The following LYPLAL1 variants were observed in gnomAD, a reference collection of about 807,000 sequenced individuals.
LYPLAL1 encodes lysophospholipase like 1.
A neutral mutation model predicts 19.7 loss-of-function variants in LYPLAL1; 23 were observed. The ratio of observed to expected loss-of-function variants is 1.17; its 90% CI spans 0.84 to 1.65. The LOEUF is 1.65. LYPLAL1 is among the 40% of genes most tolerant of loss of function. The probability of loss-of-function intolerance (pLI) is 0.00; values close to 1 mark genes in which losing one functional copy is unlikely to be tolerated. For missense variants in LYPLAL1, 355 were observed against 279.4 expected, an observed-to-expected ratio of 1.27 and a Z score of -1.93; for synonymous variants, 119 against 96.3, an observed-to-expected ratio of 1.24 and a Z score of -1.38.
the LYPLAL1 span, among the ~76,000 whole-genome samples, chr1:219,277,368 G>C: frequency 6.6e-6 from 1 of 152,166 alleles, no homozygotes; most frequent in Non-Finnish European, 1.5e-5. Context: ...ATGGGGTGTA[G>C]CTGAAGTGTT....
At chr1:219,309,347 T>C in the LYPLAL1 span, among the ~76,000 whole-genome samples, 1 of 152,218 alleles carries the variant, frequency 6.6e-6, no homozygotes, top group African/African-American at 2.4e-5. Flanking sequence ...GATGAGACTT[T>C]GGACTGTGGA....
the LYPLAL1 span, among the ~76,000 whole-genome samples, chr1:219,223,405 ATTC>A: frequency 6.6e-6 from 1 of 152,146 alleles, no homozygotes; most frequent in African/African-American, 2.4e-5. Flanking sequence ...CAAAACCTTT[ATTC>A]TTTGTTTTCT....
chr1:219,332,705 T>C, the LYPLAL1 span, among the ~76,000 whole-genome samples: 8 of 150,400 alleles, frequency 5.3e-5, no homozygotes, highest in African/African-American at 2.0e-4. Flanking sequence ...CTGCATGAGT[T>C]TGGAGAAGAG....
chr1:219,272,906 GAC>G, the LYPLAL1 span: 7 of 151,640 alleles, frequency 4.6e-5, no homozygotes, highest in Non-Finnish European at 8.8e-5. Context: ...AAAATTATAA[GAC>G]ACGCTAAGAA....
At chr1:219,290,362 C>T in the LYPLAL1 span, among the ~76,000 whole-genome samples, 5 of 152,098 alleles carry the variant, frequency 3.3e-5, no homozygotes, top group African/African-American at 7.2e-5. Context: ...ATTCCCAGGA[C>T]GTTAGTTATT....
chr1:219,281,383 A>G, the LYPLAL1 span, among the ~76,000 whole-genome samples: 1 of 152,216 alleles, frequency 6.6e-6, no homozygotes, highest in Non-Finnish European at 1.5e-5. Flanking sequence ...TGAAAATTGG[A>G]AAACAGTAAA....
At chr1:219,440,006 TATATATACACACACAC>T in the LYPLAL1 span, among the ~76,000 whole-genome samples, 6 of 103,170 alleles carry the variant, frequency 5.8e-5, no homozygotes, top group African/African-American at 1.5e-4. Context: ...CATATATATA[TATATATACACACACAC>T]ACATATATAT....
At chr1:219,437,741 A>G in the LYPLAL1 span, among the ~76,000 whole-genome samples, 8 of 144,958 alleles carry the variant, frequency 5.5e-5, no homozygotes, top group Admixed American at 1.4e-4. Context: ...TTATTTTATT[A>G]TTTTATTGTA....
chr1:219,251,653 C>A, the LYPLAL1 span, among the ~76,000 whole-genome samples: 35,250 of 151,920 alleles, frequency 0.23, 4,364 homozygotes, highest in African/African-American at 0.29. Context: ...CTTTTTGTAT[C>A]AGTACCATAG....
the LYPLAL1 span, among the ~76,000 whole-genome samples, chr1:219,309,217 T>C: frequency 6.6e-6 from 1 of 152,188 alleles, no homozygotes; most frequent in Non-Finnish European, 1.5e-5. Context: ...TATGGCCAGT[T>C]TCTCCCATCT....
chr1:219,212,941 A>G (rs537971284), downstream of LYPLAL1: 3 of 152,190 alleles, frequency 2.0e-5, 1 homozygote, highest in East Asian at 5.8e-4. Flanking sequence ...TTTTAGGCAT[A>G]CTTATAACCT....
the LYPLAL1 span, among the ~76,000 whole-genome samples, chr1:219,375,837 G>C: frequency 6.6e-6 from 1 of 151,542 alleles, no homozygotes. Context: ...CACCTCCCGG[G>C]TTCATGCCAT....
the LYPLAL1 span, among the ~76,000 whole-genome samples, chr1:219,257,957 T>TC: frequency 6.6e-6 from 1 of 151,960 alleles, no homozygotes; most frequent in African/African-American, 2.4e-5. Flanking sequence ...ATGCATTCCT[T>TC]CCCCAGGGTG....
At chr1:219,183,961 T>C (rs975464605) in intron 2 of LYPLAL1, among the ~76,000 whole-genome samples, 7 of 151,916 alleles carry the variant, frequency 4.6e-5, no homozygotes, top group African/African-American at 1.4e-4. Flanking sequence ...TCTAATCTTA[T>C]AGTAGTACAA....
chr1:219,305,848 C>T, the LYPLAL1 span, among the ~76,000 whole-genome samples: 2 of 152,194 alleles, frequency 1.3e-5, no homozygotes, highest in Admixed American at 6.5e-5. Context: ...TCTTCCAACA[C>T]CACCAGCTTC....
chr1:219,257,558 G>T, the LYPLAL1 span, among the ~76,000 whole-genome samples: 1 of 151,942 alleles, frequency 6.6e-6, no homozygotes, highest in African/African-American at 2.4e-5. Context: ...CACCTGAGCC[G>T]CAAAACCAGC....
At position 219,174,546 on chromosome 1, in the gene LYPLAL1, G is replaced by T. The variant is rs973933179; in HGVS notation, c.91+565G>T. On this transcript the variant is annotated intron_variant, in intron 1 of 4. Transcript: ENST00000366928. ...TCTCTTTCCTTCCTTTCCCTTTCCC[G>T]CCTGTGTCATTAAACTTCCAAGATA... Among the ~76,000 whole-genome samples the T allele has an allele frequency of 4.6e-5, 7 of 151,584 alleles. No individual in the cohort carries two copies. In the East Asian group the frequency reaches 1.4e-3, roughly 29 times the overall value.
At chr1:219,227,408 T>C in the LYPLAL1 span, among the ~76,000 whole-genome samples, 1 of 152,218 alleles carries the variant, frequency 6.6e-6, no homozygotes, top group African/African-American at 2.4e-5. Context: ...GTTTATGAAA[T>C]CAATTTGGGC....
chr1:219,305,311 C>T, the LYPLAL1 span, among the ~76,000 whole-genome samples: 1 of 152,168 alleles, frequency 6.6e-6, no homozygotes, highest in African/African-American at 2.4e-5. Flanking sequence ...TACTCCCTTT[C>T]TTTCAGGGTG....
Sources: gnomAD v4.1 joint callset for allele counts (sites outside exome capture counted in the v4.1 genomes callset) on GRCh38, gnomAD v4.1.1 for gene constraint, MANE v1.5 for transcripts, NCBI Gene and HGNC (gene_info 2026-07-23, HGNC 2026-07-21) for gene names.